The following MAP4K3 variants were observed in gnomAD, a reference collection of about 807,000 sequenced individuals.
The protein encoded by MAP4K3 is MAPK/ERK kinase kinase kinase 3.
In MAP4K3, 94 loss-of-function variants were observed where a neutral mutation model predicts 143.5. That is an observed-to-expected ratio of 0.65 (90% confidence interval 0.55 to 0.78). MAP4K3 has a LOEUF of 0.78. MAP4K3 is among the 30% of genes least tolerant of loss of function. MAP4K3 has a pLI of 0.00. For missense variants in MAP4K3, 1,077 were observed against 1,068.1 expected, an observed-to-expected ratio of 1.01 and a Z score of -0.12; for synonymous variants, 416 against 347.2, an observed-to-expected ratio of 1.20 and a Z score of -2.20.
chr2:39,352,674 G>A (rs192585884), intron 3 of MAP4K3, among the ~76,000 whole-genome samples: 14 of 152,122 alleles, frequency 9.2e-5, no homozygotes, highest in African/African-American at 1.4e-4. Flanking sequence ...TTGTTAAGAA[G>A]AATGCCAGGT....
intron 20 of MAP4K3, among the ~76,000 whole-genome samples, chr2:39,287,822 T>C (rs901028204): frequency 1.3e-5 from 2 of 152,186 alleles, no homozygotes; most frequent in African/African-American, 4.8e-5. Flanking sequence ...TGTTTGTTCA[T>C]AGTTTAATTT....
intron 1 of MAP4K3, among the ~76,000 whole-genome samples, chr2:39,409,541 C>T (rs111883349): frequency 2.4e-4 from 37 of 151,608 alleles, no homozygotes; most frequent in African/African-American, 8.9e-4. Context: ...CCAGCCTGGG[C>T]AACATTTAAA....
intron 1 of MAP4K3, among the ~76,000 whole-genome samples, chr2:39,394,175 A>C (rs1251066995): frequency 1.3e-5 from 2 of 152,208 alleles, no homozygotes; most frequent in Non-Finnish European, 2.9e-5. Context: ...CAATATGAAT[A>C]CCACTGTTTT....
chr2:39,310,917 T>A (rs1682917286), intron 13 of MAP4K3, among the ~76,000 whole-genome samples: 1 of 152,176 alleles, frequency 6.6e-6, no homozygotes, highest in African/African-American at 2.4e-5. Flanking sequence ...GTATGTCAGC[T>A]GGAAAAAGCC....
chr2:39,374,619 T>C (rs1248168588), intron 2 of MAP4K3, among the ~76,000 whole-genome samples: 1 of 151,826 alleles, frequency 6.6e-6, no homozygotes, highest in Non-Finnish European at 1.5e-5. Flanking sequence ...GAGGCAGAGG[T>C]TGCAGTAAGC....
chr2:39,250,498 A>G lies in MAP4K3; in HGVS notation c.*120T>C, dbSNP rs577688943. The G allele has an allele frequency of 3.2e-6, 3 of 943,720 alleles. No individual in the cohort carries two copies. Among genetic ancestry groups the G allele is most frequent in the Admixed American group, 2.8e-5 (1 of 36,356 alleles). 58.5% of individuals were successfully genotyped at this position (943,720 alleles called of 1,614,324 possible). On this transcript the variant is annotated 3_prime_UTR_variant, in exon 34 of 34. Coordinates refer to ENST00000263881, the MANE Select transcript of MAP4K3 (RefSeq NM_003618.4). ...TTTCCCCATCTTATCTCATGCCACA[A>G]TAAATTACAAAGTAACTGAAGACAG...
Position 39,305,377 on chromosome 2 carries a change from T to C in MAP4K3, c.1119+2566A>G, listed in dbSNP as rs536266889. Among the ~76,000 whole-genome samples the C allele has an allele frequency of 7.5e-4, 114 of 152,318 alleles. 1 individual carries two copies. The highest frequency in any genetic ancestry group is 1.7e-3 in the South Asian group (8 of 4,822). ...GTGGTTTAGTTTTGAATTCCTGAGC[T>C]AGGCTGCTTAGGAATCCCAGCTCTG... On this transcript the variant is annotated intron_variant, in intron 15 of 33. Transcript: ENST00000263881.
At chr2:39,364,181 T>G (rs1353750603) in intron 2 of MAP4K3, among the ~76,000 whole-genome samples, 1 of 152,128 alleles carries the variant, frequency 6.6e-6, no homozygotes, top group Non-Finnish European at 1.5e-5. Context: ...CCCAAAGAAC[T>G]GAAATTAGAA....
chr2:39,347,385 C>G (rs553353148), intron 3 of MAP4K3, among the ~76,000 whole-genome samples: 1 of 152,296 alleles, frequency 6.6e-6, no homozygotes, highest in African/African-American at 2.4e-5. Context: ...GTGAATCTTT[C>G]ATGTTAAATG....
chr2:39,418,606 A>C (rs1667457433), intron 1 of MAP4K3, among the ~76,000 whole-genome samples: 1 of 152,178 alleles, frequency 6.6e-6, no homozygotes, highest in Non-Finnish European at 1.5e-5. Flanking sequence ...ATCAAAGTTA[A>C]CATTGCCGGT....
intron 1 of MAP4K3, among the ~76,000 whole-genome samples, chr2:39,390,981 C>G (rs1666635505): frequency 6.6e-6 from 1 of 152,006 alleles, no homozygotes; most frequent in South Asian, 2.1e-4. Flanking sequence ...ATATGACTGC[C>G]TGGAGCAGCA....
intron 18 of MAP4K3, among the ~76,000 whole-genome samples, chr2:39,292,525 G>T (rs926782279): frequency 3.9e-5 from 6 of 152,150 alleles, no homozygotes; most frequent in African/African-American, 1.4e-4. Context: ...AAGTTGGTTG[G>T]TACCTTGATC....
chr2:39,291,200 C>G (rs919127943), intron 18 of MAP4K3, among the ~76,000 whole-genome samples: 5 of 152,154 alleles, frequency 3.3e-5, no homozygotes, highest in African/African-American at 1.2e-4. Context: ...CTGATCAGAT[C>G]ACTACATTAT....
At chr2:39,251,132 C>T (rs1025968407) in intron 33 of MAP4K3, among the ~76,000 whole-genome samples, 1 of 152,196 alleles carries the variant, frequency 6.6e-6, no homozygotes, top group African/African-American at 2.4e-5. Context: ...AGGGCGCTCA[C>T]AGAAAGAGTT....
At chr2:39,342,321 G>C (rs536571414) in intron 4 of MAP4K3, among the ~76,000 whole-genome samples, 2 of 151,946 alleles carry the variant, frequency 1.3e-5, no homozygotes, top group East Asian at 3.9e-4. Context: ...GTAGAGATGG[G>C]GTTTCACCAT....
intron 2 of MAP4K3, among the ~76,000 whole-genome samples, chr2:39,374,409 C>T (rs192466883): frequency 6.1e-4 from 92 of 152,054 alleles, no homozygotes; most frequent in Non-Finnish European, 1.0e-3. Flanking sequence ...AGGCCAGGTT[C>T]GGTGGTTCAC....
intron 1 of MAP4K3, among the ~76,000 whole-genome samples, chr2:39,417,246 G>A (rs1261125595): frequency 6.7e-6 from 1 of 148,540 alleles, no homozygotes; most frequent in African/African-American, 2.5e-5. Context: ...GTGAGACAGA[G>A]TCTTGCCCTG....
intron 26 of MAP4K3, among the ~76,000 whole-genome samples, chr2:39,270,301 G>T (rs924562324): frequency 7.2e-5 from 11 of 152,186 alleles, no homozygotes; most frequent in African/African-American, 2.7e-4. Flanking sequence ...GTTCTATAGT[G>T]ATCTATAGAC....
chr2:39,373,220 A>G (rs1403996846), intron 2 of MAP4K3, among the ~76,000 whole-genome samples: 1 of 152,204 alleles, frequency 6.6e-6, no homozygotes, highest in African/African-American at 2.4e-5. Flanking sequence ...AGAAATGCAA[A>G]TCAAAACTAT....
Sources: allele counts gnomAD v4.1 joint callset (sites outside exome capture counted in the v4.1 genomes callset), GRCh38; gene constraint gnomAD v4.1.1; transcripts MANE v1.5; gene names NCBI Gene and HGNC (gene_info 2026-07-23, HGNC 2026-07-21).